PDCD2: variants seen among roughly 807,000 people sequenced by gnomAD.
The protein encoded by PDCD2 is programmed cell death 2, also known as uS5 assembly chaperone PDCD2.
PDCD2 carries 38 observed loss-of-function variants against 38.1 expected under a neutral mutation model. That is an observed-to-expected ratio of 1.00 (90% confidence interval 0.77 to 1.31). PDCD2 has a LOEUF of 1.31. Ranked by LOEUF, PDCD2 falls within the 50% of genes most tolerant of loss-of-function variation. The probability of loss-of-function intolerance (pLI) is 0.00; values close to 1 mark genes in which losing one functional copy is unlikely to be tolerated. For missense variants in PDCD2, 473 were observed against 435.7 expected (o/e 1.09, Z -0.76); for synonymous variants, 205 against 168.9 (o/e 1.21, Z -1.66).
Position 170,583,183 on chromosome 6 carries a change from G to A in PDCD2, c.532C>T (p.Leu178=), listed in dbSNP as rs764842993. The A allele has an allele frequency of 3.3e-5, 53 of 1,597,192 alleles. No homozygotes were observed. The highest frequency in any genetic ancestry group is 4.4e-5 in the Non-Finnish European group (51 of 1,170,864). Residue 178 remains leucine, a synonymous_variant, in exon 3 of 6, where the codon CTG becomes TTG. Transcript: ENST00000541970. The part of the protein sequence containing the change: ...HKQACAQPDH[L]DHIIPDHNFL... ...TTGTGGTCTGGAATTATATGGTCCA[G>A]ATGATCTGAAACAAAAAGGACAGCA...
intron 1 of PDCD2, 172 bp from the exon 2 acceptor site, chr6:170,583,919 T>A: frequency 1.6e-6 from 1 of 627,990 alleles, no homozygotes; most frequent in Non-Finnish European, 2.7e-6. Flanking sequence ...TACACGCAAC[T>A]GAGTTGCCTC....
intron 2 of PDCD2, 52 bp downstream of exon 2, chr6:170,583,453 G>C: frequency 6.4e-7 from 1 of 1,559,982 alleles, no homozygotes; most frequent in East Asian, 2.3e-5. Context: ...GAAATATCTG[G>C]GTTGACAAAG....
Position 170,584,394 on chromosome 6 carries a change from T to C in PDCD2, c.188A>G (p.Gln63Arg), listed in dbSNP as rs1221204520. ...LCGRPLSFLL[Q>R]VYAPLPGRPD... ...GCGGCCAGGCAGCGGCGCATACACC[T>C]GCAGCAGGAAGGAGAGCGGGCGGCC... is the stretch of plus-strand genomic sequence containing the variant. Residue 63 changes from glutamine (Q) to arginine (R), a missense_variant, in exon 1 of 6, where the codon CAG becomes CGG. Coordinates refer to ENST00000541970, the MANE Select transcript of PDCD2 (RefSeq NM_002598.4). 2 of 1,454,576 alleles carry C rather than the reference T, an allele frequency of 1.4e-6. No individual in the cohort carries two copies. Among genetic ancestry groups the C allele is most frequent in the Admixed American group, 5.0e-5 (2 of 40,362 alleles). The allele number at this position is 1,454,576 out of a possible 1,614,324, so 90.1% of individuals were successfully genotyped here.
chr6:170,578,994 C>A (rs1487897865), intron 4 of PDCD2, 24 bp from the exon 5 acceptor site: 3 of 1,387,494 alleles, frequency 2.2e-6, no homozygotes, highest in Non-Finnish European at 3.0e-6. Context: ...AGATCATGTT[C>A]AAATAATCAA....
intron 5 of PDCD2, 102 bp from the exon 6 acceptor site, chr6:170,577,819 A>C (rs1779485587): frequency 1.9e-6 from 2 of 1,035,454 alleles, no homozygotes; most frequent in Non-Finnish European, 2.8e-6. Flanking sequence ...TTCAATCCTC[A>C]TACTACAAAG....
intron 3 of PDCD2, chr6:170,581,085 A>C (rs1306140495): frequency 6.6e-6 from 1 of 152,176 alleles, no homozygotes; most frequent in African/African-American, 2.4e-5. Flanking sequence ...ACCTCCAGGA[A>C]GCATTTTTCT....
intron 4 of PDCD2, 55 bp from the exon 5 acceptor site, chr6:170,579,025 A>G: frequency 1.8e-6 from 2 of 1,087,980 alleles, no homozygotes; most frequent in Non-Finnish European, 2.7e-6. Context: ...ATAAGTTGCC[A>G]ATGGTAACAT....
chr6:170,579,594 A>G (rs1030859817), intron 4 of PDCD2: 1 of 156,888 alleles, frequency 6.4e-6, no homozygotes, highest in Non-Finnish European at 1.4e-5. Context: ...GAGGTTAAGG[A>G]GAAAAATGTT....
At position 170,583,623 on chromosome 6, in the gene PDCD2, C is replaced by G. The variant is rs1268256320; in HGVS notation, c.408G>C (p.Arg136Ser). 2 of 1,613,810 alleles carry G rather than the reference C, an allele frequency of 1.2e-6. No homozygotes were observed. Among genetic ancestry groups the G allele is most frequent in the Non-Finnish European group, 1.7e-6 (2 of 1,179,944 alleles). ...TTTTGGGGCCTAAACAGCCACAAACCCTGCAGAGATGAGCACCAGACTTAA... is the reference window on the plus strand; with the variant it reads ...TTTTGGGGCCTAAACAGCCACAAACGCTGCAGAGATGAGCACCAGACTTAA... ...LQLKSGAHLC[R>S]VCGCLGPKTC... Residue 136 changes from arginine (R) to serine (S), a missense_variant, in exon 2 of 6, where the codon AGG (arginine) becomes AGC (serine). Arg to Ser is a moderately radical substitution (Grantham distance 110). Coordinates refer to ENST00000541970, the MANE Select transcript of PDCD2 (RefSeq NM_002598.4).
intron 3 of PDCD2, chr6:170,581,285 C>T (rs999061159): frequency 6.6e-6 from 1 of 152,102 alleles, no homozygotes; most frequent in African/African-American, 2.4e-5. Flanking sequence ...AAGTTATGTA[C>T]CCCTCGAAGG....
intron 1 of PDCD2, 32 bp from the exon 2 acceptor site, chr6:170,583,779 T>C: frequency 1.3e-6 from 2 of 1,538,272 alleles, no homozygotes; most frequent in South Asian, 1.2e-5. Context: ...AGTTTTATCT[T>C]CAAACAAAAC....
At chr6:170,578,400 G>A (rs1329519891) in intron 5 of PDCD2, 5 of 522,892 alleles carry the variant, frequency 9.6e-6, no homozygotes, top group Admixed American at 7.3e-5. Context: ...TTTGGGCAGG[G>A]AAGGACATTT....
intron 3 of PDCD2, chr6:170,582,794 A>C: frequency 7.7e-7 from 1 of 1,294,160 alleles, no homozygotes; most frequent in Non-Finnish European, 9.8e-7. Flanking sequence ...GGAACTTACC[A>C]AGCCTCCAGC....
At chr6:170,579,831 T>C (rs1779544978) in intron 4 of PDCD2, 171 bp downstream of exon 4, 1 of 563,206 alleles carries the variant, frequency 1.8e-6, no homozygotes, top group Admixed American at 3.0e-5. Context: ...GCAAAACACC[T>C]TTCTACATGG....
intron 2 of PDCD2, 62 bp downstream of exon 2, chr6:170,583,443 G>T: frequency 6.5e-7 from 1 of 1,539,192 alleles, no homozygotes; most frequent in South Asian, 1.2e-5. Context: ...AGTTGTCCTG[G>T]AAATATCTGG....
intron 3 of PDCD2, 142 bp from the exon 4 acceptor site, chr6:170,580,247 G>A (rs1779556825): frequency 1.6e-6 from 1 of 613,924 alleles, no homozygotes; most frequent in Admixed American, 2.8e-5. Flanking sequence ...TGAATTTCCA[G>A]GTACTCCATC....
At chr6:170,579,715 A>G (rs1779541989) in intron 4 of PDCD2, 1 of 224,366 alleles carries the variant, frequency 4.5e-6, no homozygotes, top group African/African-American at 2.3e-5. Context: ...ACCTTAGGCA[A>G]CATCTCATTC....
chr6:170,580,845 A>G (rs1045545442), intron 3 of PDCD2, among the ~76,000 whole-genome samples: 4 of 152,210 alleles, frequency 2.6e-5, no homozygotes, highest in African/African-American at 9.6e-5. Flanking sequence ...GTTAAAATAG[A>G]ACTGATATAC....
chr6:170,579,582 G>A (rs1779537781), intron 4 of PDCD2: 1 of 156,110 alleles, frequency 6.4e-6, no homozygotes, highest in South Asian at 2.0e-4. Flanking sequence ...TTTATGGTAG[G>A]GGAGGTTAAG....
Sources: allele counts gnomAD v4.1 joint callset (sites outside exome capture counted in the v4.1 genomes callset), GRCh38; gene constraint gnomAD v4.1.1; transcripts MANE v1.5; gene names NCBI Gene and HGNC (gene_info 2026-07-23, HGNC 2026-07-21).